Variants in CDH7 observed in about 807,000 individuals in gnomAD.
CDH7 encodes cadherin 7, also known as cadherin-7.
Under a neutral mutation model 71.8 loss-of-function variants are expected in CDH7, and 25 were observed. That is an observed-to-expected ratio of 0.35 (90% CI 0.25 to 0.49). CDH7 has a LOEUF of 0.49. CDH7 is among the 20% of genes least tolerant of loss of function. CDH7 has a pLI of 0.99. For missense variants in CDH7, 862 were observed against 974.6 expected (o/e 0.88, Z 1.54); for synonymous variants, 381 against 363.8 (o/e 1.05, Z -0.54).
At chr18:65,753,107 C>T (rs532515689) in intron 1 of CDH7, among the ~76,000 whole-genome samples, 14 of 152,176 alleles carry the variant, frequency 9.2e-5, no homozygotes, top group Middle Eastern at 3.4e-3. Context: ...GTGGAGAGCA[C>T]GCGGAGTTGG....
chr18:65,767,089 C>CTTTTT (rs35258266), intron 2 of CDH7, among the ~76,000 whole-genome samples: 5 of 139,976 alleles, frequency 3.6e-5, no homozygotes, highest in South Asian at 2.3e-4. Context: ...ATCACTCTTT[C>CTTTTT]TTTCTTTTTT....
intron 6 of CDH7, among the ~76,000 whole-genome samples, chr18:65,837,477 T>C (rs1912570743): frequency 6.6e-6 from 1 of 152,216 alleles, no homozygotes; most frequent in Non-Finnish European, 1.5e-5. Context: ...CTTATCCTTC[T>C]ACAGAAACTG....
At chr18:65,810,700 T>TC (rs1166773498) in intron 3 of CDH7, among the ~76,000 whole-genome samples, 12 of 152,256 alleles carry the variant, frequency 7.9e-5, no homozygotes, top group African/African-American at 2.4e-4. Flanking sequence ...ATGCTCTTCC[T>TC]CCTACCCCCA....
chr18:65,845,121 T>TAATA (rs1434757582), intron 7 of CDH7, among the ~76,000 whole-genome samples: 1 of 151,804 alleles, frequency 6.6e-6, no homozygotes, highest in Non-Finnish European at 1.5e-5. Flanking sequence ...CTTTCTAAAG[T>TAATA]AATAAAGTGA....
chr18:65,817,503 C>T (rs1441099038), intron 4 of CDH7, among the ~76,000 whole-genome samples: 4 of 151,996 alleles, frequency 2.6e-5, no homozygotes, highest in African/African-American at 9.7e-5. Flanking sequence ...CTTTTTATAG[C>T]TCTCTCATAT....
At chr18:65,872,952 C>A (rs1913970694) in intron 11 of CDH7, among the ~76,000 whole-genome samples, 1 of 150,766 alleles carries the variant, frequency 6.6e-6, no homozygotes, top group Admixed American at 6.6e-5. Context: ...ATTTAAAAAA[C>A]AGAATTAAAC....
rs1914248858 is a variant in CDH7 at position 65,882,074 on chromosome 18, A to G, written c.*1180A>G. ...AAGAACACAACCTTTCTTGCTGCAA[A>G]CCTATTGAGTAAAATATTGAGTTTT... is the stretch of plus-strand genomic sequence containing the variant. On this transcript the variant is annotated 3_prime_UTR_variant, in exon 12 of 12. Coordinates refer to ENST00000397968, the MANE Select transcript of CDH7 (RefSeq NM_004361.5). The G allele has an allele frequency of 6.6e-6, 1 of 152,292 alleles. No individual in the cohort carries two copies. The highest frequency in any genetic ancestry group is 2.4e-5 in the African/African-American group (1 of 41,572). The allele number at this position is 152,292 out of a possible 1,614,324, so 9.4% of individuals were successfully genotyped here. A position where few individuals can be genotyped will look rare whatever the true frequency, so the allele number is the denominator to read the frequency against.
rs2144077865 is a variant in CDH7, at chr18:65,882,751, T to A, written c.*1857T>A. On this transcript the variant is annotated 3_prime_UTR_variant, in exon 12 of 12. Coordinates refer to ENST00000397968, the MANE Select transcript of CDH7 (RefSeq NM_004361.5). ...AAAAAATTATAACAGTGAAAGATAC[T>A]GTTCATAACTTTTAATCACACATGC... 6.6e-6 allele frequency: 1 copy of A among 152,264 alleles called. No individual in the cohort carries two copies. Among genetic ancestry groups the A allele is most frequent in the African/African-American group, 2.4e-5 (1 of 41,574 alleles). 9.4% of individuals were successfully genotyped at this position (152,264 alleles called of 1,614,324 possible). A position where few individuals can be genotyped will look rare whatever the true frequency, so the allele number is the denominator to read the frequency against.
chr18:65,783,345 A>G (rs771142425), intron 2 of CDH7, among the ~76,000 whole-genome samples: 1 of 152,200 alleles, frequency 6.6e-6, no homozygotes, highest in Non-Finnish European at 1.5e-5. Context: ...ATAGTTGACC[A>G]TTCTGAAAAG....
At chr18:65,821,117 T>A (rs1026247861) in intron 4 of CDH7, among the ~76,000 whole-genome samples, 30 of 38,502 alleles carry the variant, frequency 7.8e-4, no homozygotes, top group African/African-American at 1.3e-3. Flanking sequence ...CAGCAAAAAA[T>A]AACAAACAAA....
chr18:65,777,044 C>G (rs1473715874), intron 2 of CDH7, among the ~76,000 whole-genome samples: 2 of 152,094 alleles, frequency 1.3e-5, no homozygotes, highest in Non-Finnish European at 2.9e-5. Flanking sequence ...GGAACTATTG[C>G]CAGGCTTTTA....
At chr18:65,856,248 A>T (rs1273506507) in intron 7 of CDH7, among the ~76,000 whole-genome samples, 1 of 152,134 alleles carries the variant, frequency 6.6e-6, no homozygotes, top group African/African-American at 2.4e-5. Context: ...ACACTTTCAA[A>T]TTCCTGACAC....
chr18:65,828,987 T>C (rs775491953), intron 6 of CDH7, among the ~76,000 whole-genome samples: 1 of 152,260 alleles, frequency 6.6e-6, no homozygotes, highest in Non-Finnish European at 1.5e-5. Flanking sequence ...GCAAAATAGA[T>C]CTGATTTTTA....
chr18:65,868,932 T>C (rs1270908934), intron 11 of CDH7, among the ~76,000 whole-genome samples: 1 of 152,166 alleles, frequency 6.6e-6, no homozygotes, highest in Non-Finnish European at 1.5e-5. Flanking sequence ...CCTTTAAGCA[T>C]ATATGATCTA....
intron 6 of CDH7, among the ~76,000 whole-genome samples, chr18:65,834,306 G>T (rs1174325781): frequency 6.6e-6 from 1 of 152,162 alleles, no homozygotes; most frequent in African/African-American, 2.4e-5. Context: ...ATATGTCTAA[G>T]AAGTCATGAA....
chr18:65,757,243 T>C (rs1369956336), intron 1 of CDH7, among the ~76,000 whole-genome samples: 1 of 152,148 alleles, frequency 6.6e-6, no homozygotes, highest in Non-Finnish European at 1.5e-5. Flanking sequence ...GTTAAGTGGA[T>C]AATAAACAGT....
chr18:65,762,611 G>A (rs1449839024), intron 1 of CDH7, 36 bp from the exon 2 acceptor site: 1 of 378,956 alleles, frequency 2.6e-6, no homozygotes, highest in Non-Finnish European at 4.7e-6. Context: ...TATGTGTTTT[G>A]GTTCCTGACA....
Position 65,798,130 on chromosome 18 carries a change from T to A in CDH7, c.211-11574T>A, listed in dbSNP as rs189114050. Among the ~76,000 whole-genome samples the A allele has an allele frequency of 2.9e-4, 44 of 152,302 alleles. No individual in the cohort carries two copies. In the East Asian group the frequency reaches 5.8e-3, roughly 20 times the overall value. ...CTAAGGCAATTTTGCTTCTTTCTCTTCTCAAATAAAGAACACCAGAATGAA... is the reference window on the plus strand; with the variant it reads ...CTAAGGCAATTTTGCTTCTTTCTCTACTCAAATAAAGAACACCAGAATGAA... On this transcript the variant is annotated intron_variant, in intron 2 of 11. Transcript: ENST00000397968.
At chr18:65,781,350 G>A (rs1910179111) in intron 2 of CDH7, among the ~76,000 whole-genome samples, 1 of 152,110 alleles carries the variant, frequency 6.6e-6, no homozygotes, top group South Asian at 2.1e-4. Context: ...ATTGGGAAAA[G>A]CAGCATTAAT....
Sources: allele counts gnomAD v4.1 joint callset (sites outside exome capture counted in the v4.1 genomes callset), GRCh38; gene constraint gnomAD v4.1.1; transcripts MANE v1.5; gene names NCBI Gene and HGNC (gene_info 2026-07-23, HGNC 2026-07-21).